Variants in SPATA21 observed in about 807,000 individuals in gnomAD.
The protein encoded by SPATA21 is spermatogenesis-associated protein 21.
SPATA21 carries 47 observed loss-of-function variants against 54.8 expected under a neutral mutation model. That is an observed-to-expected ratio of 0.86 (90% CI 0.68 to 1.09). The LOEUF (loss-of-function observed/expected upper bound fraction) is 1.09, where lower values mean the gene tolerates loss of function less well. SPATA21 is among the 50% of genes least tolerant of loss of function. The pLI, the probability that SPATA21 is intolerant of heterozygous loss-of-function variation, is 0.00. For missense variants in SPATA21, 599 were observed against 596.4 expected (o/e 1.00, Z -0.05); for synonymous variants, 245 against 235.3 (o/e 1.04, Z -0.38).
Position 16,421,376 on chromosome 1 carries a change from C to T in SPATA21, c.144+133G>A. The T allele has an allele frequency of 1.1e-6, 1 of 880,176 alleles. No individual in the cohort carries two copies. The highest frequency in any genetic ancestry group is 1.7e-6 in the Non-Finnish European group (1 of 573,516). The allele number at this position is 880,176 out of a possible 1,614,324, so 54.5% of individuals were successfully genotyped here. ...CCATGTGCACTTTAACACACAGCCA[C>T]ACACACCTTCCTTGGTTTGACTCCA... On this transcript the variant is annotated intron_variant, in intron 5 of 12. Transcript: ENST00000335496. This position sits in a 1 kb window ranked among gnomAD's most constrained non-coding sequence, Gnocchi z 5.2.
intron 3 of SPATA21, among the ~76,000 whole-genome samples, chr1:16,424,501 C>A (rs2086268447): frequency 6.6e-6 from 1 of 151,648 alleles, no homozygotes; most frequent in African/African-American, 2.4e-5. Flanking sequence ...CTCACTGCAG[C>A]CTGGACCCCA....
intron 7 of SPATA21, among the ~76,000 whole-genome samples, chr1:16,407,893 G>A (rs1026524729): frequency 9.2e-5 from 14 of 152,134 alleles, no homozygotes; most frequent in African/African-American, 3.4e-4. Context: ...AGCCTCCTGG[G>A]TAGCTGGGAC....
intron 8 of SPATA21, among the ~76,000 whole-genome samples, chr1:16,404,401 T>C (rs1241084982): frequency 6.6e-6 from 1 of 152,052 alleles, no homozygotes; most frequent in African/African-American, 2.4e-5. Context: ...ACCTGGGACG[T>C]GGAGGTTGCA....
intron 3 of SPATA21, chr1:16,425,822 A>C (rs1028454259): frequency 6.6e-5 from 75 of 1,132,614 alleles, no homozygotes; most frequent in Middle Eastern, 2.2e-4. Context: ...ATAGGTGCAT[A>C]GCTAACGCCT....
intron 3 of SPATA21, chr1:16,427,833 G>A (rs1356659713): frequency 6.5e-7 from 1 of 1,534,904 alleles, no homozygotes; most frequent in Non-Finnish European, 8.8e-7. Flanking sequence ...TTCTCTCTTG[G>A]ACCTGTTCTC....
chr1:16,403,483 C>CTTTT (rs1229942098), intron 10 of SPATA21, among the ~76,000 whole-genome samples: 15 of 117,178 alleles, frequency 1.3e-4, no homozygotes, highest in Admixed American at 1.8e-4. Context: ...TAGTTTTTTT[C>CTTTT]TTTTTTTTCT....
intron 7 of SPATA21, among the ~76,000 whole-genome samples, chr1:16,408,004 C>T (rs190552759): frequency 1.6e-4 from 23 of 146,416 alleles, no homozygotes; most frequent in African/African-American, 4.9e-4. Flanking sequence ...TGGCCTCAAG[C>T]GATCCTCCTG....
At chr1:16,414,762 C>T (rs1269275140) in intron 5 of SPATA21, among the ~76,000 whole-genome samples, 2 of 151,746 alleles carry the variant, frequency 1.3e-5, no homozygotes, top group Non-Finnish European at 2.9e-5. Flanking sequence ...GGGTTGTTCG[C>T]ATGCCTGTAA....
chr1:16,418,845 T>C (rs1431308986), intron 5 of SPATA21, among the ~76,000 whole-genome samples: 1 of 152,214 alleles, frequency 6.6e-6, no homozygotes, highest in Non-Finnish European at 1.5e-5. Flanking sequence ...TCCGGCCTAG[T>C]TCTTATTTCT....
chr1:16,426,579 A>ATATATATATTT (rs1401259793), intron 3 of SPATA21, among the ~76,000 whole-genome samples: 42 of 107,152 alleles, frequency 3.9e-4, no homozygotes, highest in Non-Finnish European at 6.7e-4. Context: ...ATATATATAT[A>ATATATATATTT]TTTTTTTTTT....
chr1:16,434,793 G>A (rs1321643304), intron 1 of SPATA21, among the ~76,000 whole-genome samples: 1 of 152,120 alleles, frequency 6.6e-6, no homozygotes, highest in Non-Finnish European at 1.5e-5. Flanking sequence ...CTTCTTACCA[G>A]CAGCATATGA....
In SPATA21 at chr1:16,421,491, C is replaced by T. The variant is rs2086169389; in HGVS notation, c.144+18G>A. ...CTCCTACACAGCTCGTCCCCGTTCC[C>T]CCTATGGCCCTACTTACTGGTGGAG... On this transcript the variant is annotated intron_variant, in intron 5 of 12. Transcript: ENST00000335496. The surrounding 1 kb of genome is among the most constrained non-coding windows in gnomAD (Gnocchi z 5.2). 3 of 1,612,076 alleles carry T rather than the reference C, an allele frequency of 1.9e-6. No individual in the cohort carries two copies. Among genetic ancestry groups the T allele is most frequent in the Non-Finnish European group, 2.5e-6 (3 of 1,179,016 alleles).
At chr1:16,404,425 G>A (rs1484505837) in intron 8 of SPATA21, among the ~76,000 whole-genome samples, 4 of 152,060 alleles carry the variant, frequency 2.6e-5, no homozygotes, top group South Asian at 4.1e-4. Context: ...AGCCAAGATC[G>A]TGCCACTGCC....
At chr1:16,415,158 G>A (rs1050548606) in intron 5 of SPATA21, among the ~76,000 whole-genome samples, 1 of 152,134 alleles carries the variant, frequency 6.6e-6, no homozygotes, top group Non-Finnish European at 1.5e-5. Context: ...GCAACATGGT[G>A]GGACCCTGTC....
intron 5 of SPATA21, among the ~76,000 whole-genome samples, chr1:16,414,860 T>C (rs2085952411): frequency 1.6e-5 from 2 of 127,692 alleles, no homozygotes; most frequent in Admixed American, 1.8e-4. Flanking sequence ...ACCATTGCAC[T>C]TTAGCCTGGG....
At chr1:16,404,619 C>G (rs746385771) in intron 8 of SPATA21, among the ~76,000 whole-genome samples, 34 of 152,162 alleles carry the variant, frequency 2.2e-4, no homozygotes, top group Non-Finnish European at 3.4e-4. Flanking sequence ...GAGTTTGAGA[C>G]CAGCCCGGGC....
At chr1:16,436,469 T>A in intron 1 of SPATA21, among the ~76,000 whole-genome samples, 1 of 150,736 alleles carries the variant, frequency 6.6e-6, no homozygotes, top group East Asian at 2.0e-4. Flanking sequence ...AAATCACCAC[T>A]AAAGAACCTA....
At chr1:16,425,218 C>T (rs2086289434) in intron 3 of SPATA21, 2 of 543,628 alleles carry the variant, frequency 3.7e-6, no homozygotes, top group South Asian at 1.5e-5. Flanking sequence ...GGCCTGGAAA[C>T]AAGACTTAAA....
chr1:16,398,632 G>T, downstream of SPATA21: 1 of 978,378 alleles, frequency 1.0e-6, no homozygotes, highest in Non-Finnish European at 1.6e-6. Context: ...CTTGGCAAGA[G>T]GCACAGAGGC....
Sources: gnomAD v4.1 joint callset for allele counts (sites outside exome capture counted in the v4.1 genomes callset) on GRCh38, gnomAD v4.1.1 for gene constraint, Gnocchi (gnomAD v3.1) non-coding constraint, MANE v1.5 for transcripts, NCBI Gene and HGNC (gene_info 2026-07-23, HGNC 2026-07-21) for gene names.